The following DMXL1 variants were observed in gnomAD, a reference collection of about 807,000 sequenced individuals.
DMXL1 encodes the protein Dmx like 1.
DMXL1 carries 99 observed loss-of-function variants against 319.2 expected under a neutral mutation model. The observed-to-expected ratio is 0.31, with a 90% CI of 0.26 to 0.37. The LOEUF is 0.37. DMXL1 is among the 10% of genes least tolerant of loss of function. The pLI is 1.00. For missense variants in DMXL1, 3,745 were observed against 3,595.6 expected, an observed-to-expected ratio of 1.04 and a Z score of -1.06; for synonymous variants, 1,385 against 1,235.2, an observed-to-expected ratio of 1.12 and a Z score of -2.54.
intron 19 of DMXL1, among the ~76,000 whole-genome samples, chr5:119,160,196 G>A (rs1397713710): frequency 1.3e-5 from 2 of 151,960 alleles, no homozygotes; most frequent in African/African-American, 4.8e-5. Context: ...TCTTAGAAAT[G>A]GTTTTGCTGC....
chr5:119,244,484 C>T lies in DMXL1; in HGVS notation c.8830C>T (p.Leu2944Phe), dbSNP rs754172177. Reference protein sequence around the residue: ...FDLCQRQQRQLFQSHDSPVKA... With the variant: ...FDLCQRQQRQFFQSHDSPVKA... ...CCTTTGTCAACGACAACAGAGGCAG[C>T]TTTTCCAGAGCCATGATTCTCCTGT... is the stretch of plus-strand genomic sequence containing the variant. Residue 2944 changes from leucine (L) to phenylalanine (F), a missense_variant, in exon 43 of 44, where the codon CTT (leucine) becomes TTT (phenylalanine). By Grantham distance (22) the Leu-to-Phe change is conservative. This residue lies in a region of DMXL1 where 262 missense variants were observed against 320.5 expected (regional missense o/e 0.82). Transcript: ENST00000539542. 1 of 1,614,148 alleles carries T rather than the reference C, an allele frequency of 6.2e-7. No individual in the cohort carries two copies. The highest frequency in any genetic ancestry group is 8.5e-7 in the Non-Finnish European group (1 of 1,180,018).
intron 38 of DMXL1, among the ~76,000 whole-genome samples, chr5:119,227,170 G>A (rs1446628812): frequency 3.3e-5 from 5 of 152,208 alleles, no homozygotes; most frequent in South Asian, 2.1e-4. Flanking sequence ...AGGATCCAGG[G>A]ACAAAGACCA....
At chr5:119,132,246 T>C (rs1765068656) in intron 10 of DMXL1, among the ~76,000 whole-genome samples, 1 of 152,222 alleles carries the variant, frequency 6.6e-6, no homozygotes, top group African/African-American at 2.4e-5. Flanking sequence ...TATAGGCTCT[T>C]TATTATTATA....
chr5:119,197,300 G>T (rs1779814621), intron 31 of DMXL1, among the ~76,000 whole-genome samples: 1 of 152,072 alleles, frequency 6.6e-6, no homozygotes, highest in South Asian at 2.1e-4. Context: ...AAAATACATT[G>T]ATACTAACAA....
intron 3 of DMXL1, chr5:119,104,041 A>G (rs1390939158): frequency 6.6e-6 from 1 of 152,252 alleles, no homozygotes; most frequent in Non-Finnish European, 1.5e-5. Context: ...TGAAAGATGT[A>G]TAAAATCTAT....
chr5:119,232,603 T>A (rs1383635719), intron 38 of DMXL1, among the ~76,000 whole-genome samples: 1 of 152,144 alleles, frequency 6.6e-6, no homozygotes, highest in Non-Finnish European at 1.5e-5. Flanking sequence ...TCAGAGAGAT[T>A]AAGTAAATTT....
At chr5:119,163,651 C>G (rs2150218921) in intron 19 of DMXL1, among the ~76,000 whole-genome samples, 1 of 152,300 alleles carries the variant, frequency 6.6e-6, no homozygotes, top group South Asian at 2.1e-4. Context: ...TGCAGTGGCA[C>G]AATCTCGGCT....
At chr5:119,240,008 C>T (rs1386368010) in intron 41 of DMXL1, among the ~76,000 whole-genome samples, 9 of 151,100 alleles carry the variant, frequency 6.0e-5, no homozygotes, top group African/African-American at 1.9e-4. Context: ...TTGGCTCATG[C>T]CTGTAATCCC....
chr5:119,185,493 CT>C (rs1010530520), intron 28 of DMXL1, among the ~76,000 whole-genome samples: 1 of 151,778 alleles, frequency 6.6e-6, no homozygotes, highest in Non-Finnish European at 1.5e-5. Context: ...ATCTTCCAGA[CT>C]TTTTTTGTTT....
At chr5:119,114,620 T>C in intron 6 of DMXL1, 79 bp downstream of exon 6, 1 of 937,094 alleles carries the variant, frequency 1.1e-6, no homozygotes, top group Non-Finnish European at 1.6e-6. Flanking sequence ...CTGGCTTCAT[T>C]CTTTTATTTA....
At chr5:119,157,014 G>T (rs1351023781) in intron 19 of DMXL1, among the ~76,000 whole-genome samples, 4 of 142,834 alleles carry the variant, frequency 2.8e-5, no homozygotes, top group South Asian at 2.2e-4. Context: ...ATCCCCTCTG[G>T]TTTTTTTTTT....
intron 4 of DMXL1, among the ~76,000 whole-genome samples, chr5:119,107,745 A>G (rs139109594): frequency 1.3e-5 from 2 of 152,328 alleles, no homozygotes; most frequent in East Asian, 3.9e-4. Flanking sequence ...CAAAAGTGGA[A>G]TAATCAACAT....
At position 119,247,242 on chromosome 5, in the gene DMXL1, A is replaced by T. The variant is rs527599716; in HGVS notation, c.*23A>T. On this transcript the variant is annotated 3_prime_UTR_variant, in exon 44 of 44. Coordinates refer to ENST00000539542, the MANE Select transcript of DMXL1 (RefSeq NM_001290321.3). Reference sequence around the variant, plus strand: ...TAACATTTTTACAATAAGATGTACAATTTATTACCTATATGGAAGTGGCCA... The same window carrying T: ...TAACATTTTTACAATAAGATGTACATTTTATTACCTATATGGAAGTGGCCA... 1.8e-5 allele frequency: 28 copies of T among 1,544,050 alleles called. No homozygotes were observed. The highest frequency in any genetic ancestry group is 2.3e-5 in the Non-Finnish European group (26 of 1,120,444).
intron 43 of DMXL1, among the ~76,000 whole-genome samples, chr5:119,245,882 T>C (rs988564812): frequency 6.7e-6 from 1 of 148,278 alleles, no homozygotes; most frequent in Admixed American, 6.7e-5. Flanking sequence ...CTGTGGTTTA[T>C]TGTTTAATCA....
At chr5:119,240,340 G>A (rs1451839953) in intron 41 of DMXL1, 79 bp from the exon 42 acceptor site, 2 of 984,626 alleles carry the variant, frequency 2.0e-6, no homozygotes, top group Non-Finnish European at 3.1e-6. Context: ...AAGGTTTAAA[G>A]GTCACACAGT....
In DMXL1 at chr5:119,181,192, T is replaced by C. The variant is rs562101942; in HGVS notation, c.7135+2948T>C. ...GGGCCATTATAAGTCCGTCATAAGC[T>C]GTATCCTACCACTTATTTAACCCCA... On this transcript the variant is annotated intron_variant, in intron 28 of 43. Transcript: ENST00000539542. 6.4e-4 allele frequency among the ~76,000 whole-genome samples: 98 copies of C among 152,312 alleles called. 1 individual carries two copies. In the Middle Eastern group the frequency reaches 0.014, roughly 21 times the overall value.
Position 119,152,018 on chromosome 5 carries a change from G to A in DMXL1, c.4684G>A (p.Ala1562Thr), listed in dbSNP as rs1212118079. The A allele has an allele frequency of 8.7e-6, 14 of 1,610,970 alleles. No homozygotes were observed. The highest frequency in any genetic ancestry group is 1.2e-5 in the Non-Finnish European group (14 of 1,178,098). ...FLTTSLPAYR[A>T]QLLHQGLSTS... ...TACAACTTCCCTTCCAGCCTATCGAGCTCAACTCCTTCACCAAGGTGATTT... is the reference window on the plus strand; with the variant it reads ...TACAACTTCCCTTCCAGCCTATCGAACTCAACTCCTTCACCAAGGTGATTT... Residue 1562 changes from alanine to threonine, a missense_variant, in exon 19 of 44, where the codon GCT (alanine) becomes ACT (threonine). Transcript: ENST00000539542.
At chr5:119,169,473 A>G (rs578138961) in intron 23 of DMXL1, among the ~76,000 whole-genome samples, 2 of 152,274 alleles carry the variant, frequency 1.3e-5, no homozygotes, top group African/African-American at 2.4e-5. Context: ...GGTAGATGAT[A>G]TGGGGAAGAA....
chr5:119,197,334 A>G (rs1449870195), intron 31 of DMXL1, among the ~76,000 whole-genome samples: 1 of 152,218 alleles, frequency 6.6e-6, no homozygotes, highest in Non-Finnish European at 1.5e-5. Context: ...AAAAAGAAAA[A>G]TCACAAAAAA....
Sources: allele counts gnomAD v4.1 joint callset (sites outside exome capture counted in the v4.1 genomes callset), GRCh38; gene constraint gnomAD v4.1.1; regional missense constraint gnomAD v4.1.1; transcripts MANE v1.5; gene names NCBI Gene and HGNC (gene_info 2026-07-23, HGNC 2026-07-21).